Variants in FAM13A observed in about 807,000 individuals in gnomAD.
FAM13A encodes protein FAM13A.
A neutral mutation model predicts 129.6 loss-of-function variants in FAM13A; 76 were observed. That is an observed-to-expected ratio of 0.59 (90% CI 0.49 to 0.71). The LOEUF (loss-of-function observed/expected upper bound fraction) is 0.71, where lower values mean the gene tolerates loss of function less well. Ranked by LOEUF, FAM13A falls within the 30% of genes least tolerant of loss-of-function variation. FAM13A has a pLI of 0.00. For synonymous variants in FAM13A, 443 were observed against 449.9 expected, an observed-to-expected ratio of 0.98 and a Z score of 0.20; for missense variants, 1,108 against 1,249.3, an observed-to-expected ratio of 0.89 and a Z score of 1.70.
intron 6 of FAM13A, among the ~76,000 whole-genome samples, chr4:88,869,066 T>C (rs535107962): frequency 1.2e-4 from 19 of 152,296 alleles, no homozygotes; most frequent in African/African-American, 3.6e-4. Flanking sequence ...TTAGACTATA[T>C]GGTCTCCAAT....
intron 4 of FAM13A, among the ~76,000 whole-genome samples, chr4:88,958,232 C>T (rs1758063695): frequency 6.6e-6 from 1 of 152,200 alleles, no homozygotes; most frequent in South Asian, 2.1e-4. Context: ...CCCCTCCCAT[C>T]ACAGGCCCAG....
At chr4:88,984,929 C>T (rs1459739038) in intron 4 of FAM13A, among the ~76,000 whole-genome samples, 1 of 152,152 alleles carries the variant, frequency 6.6e-6, no homozygotes, top group Non-Finnish European at 1.5e-5. Context: ...AACAATTCTA[C>T]TCCTAGTTAT....
chr4:88,735,501 C>T (rs540579562), intron 21 of FAM13A, among the ~76,000 whole-genome samples: 2 of 152,056 alleles, frequency 1.3e-5, no homozygotes, highest in African/African-American at 4.8e-5. Flanking sequence ...CTTATGTTGG[C>T]TAGGAGAACT....
intron 3 of FAM13A, among the ~76,000 whole-genome samples, chr4:88,996,512 G>C (rs975942497): frequency 6.6e-6 from 1 of 152,182 alleles, no homozygotes; most frequent in Admixed American, 6.5e-5. Flanking sequence ...CATTTATTGA[G>C]TGACTACTCT....
At chr4:88,915,470 A>C (rs2148688571) in intron 5 of FAM13A, among the ~76,000 whole-genome samples, 1 of 152,336 alleles carries the variant, frequency 6.6e-6, no homozygotes, top group African/African-American at 2.4e-5. Context: ...AACTAATTAT[A>C]ATTACTTTAT....
intron 21 of FAM13A, among the ~76,000 whole-genome samples, chr4:88,732,778 T>C (rs888795768): frequency 1.3e-5 from 2 of 151,948 alleles, no homozygotes; most frequent in African/African-American, 2.4e-5. Flanking sequence ...ATTCTCATGA[T>C]TGAAATAAGA....
chr4:88,887,334 C>T (rs185313299), intron 6 of FAM13A, among the ~76,000 whole-genome samples: 5 of 152,130 alleles, frequency 3.3e-5, no homozygotes, highest in African/African-American at 9.6e-5. Flanking sequence ...CAATTGAAGA[C>T]AAACTGCAAA....
At chr4:88,968,174 G>A (rs903676197) in intron 4 of FAM13A, among the ~76,000 whole-genome samples, 3 of 152,168 alleles carry the variant, frequency 2.0e-5, no homozygotes, top group Non-Finnish European at 4.4e-5. Flanking sequence ...CAAAGCACCC[G>A]CCTCAGGGAC....
At chr4:88,989,339 T>A (rs1333339702) in intron 4 of FAM13A, among the ~76,000 whole-genome samples, 3 of 151,036 alleles carry the variant, frequency 2.0e-5, no homozygotes, top group Non-Finnish European at 3.0e-5. Flanking sequence ...CAGTGGCTCA[T>A]GCCCGTAATC....
At chr4:88,975,265 C>T (rs190586219) in intron 4 of FAM13A, among the ~76,000 whole-genome samples, 8 of 152,040 alleles carry the variant, frequency 5.3e-5, no homozygotes, top group East Asian at 3.9e-4. Context: ...GTAACCTTGT[C>T]GGAGAAAATA....
At chr4:88,871,527 A>C in intron 6 of FAM13A, among the ~76,000 whole-genome samples, 1 of 152,254 alleles carries the variant, frequency 6.6e-6, no homozygotes, top group Non-Finnish European at 1.5e-5. Flanking sequence ...GATTCGATCA[A>C]CTGGAAGAAA....
intron 4 of FAM13A, chr4:88,989,641 G>A (rs1390803460): frequency 6.6e-6 from 1 of 152,074 alleles, no homozygotes; most frequent in Non-Finnish European, 1.5e-5. Flanking sequence ...TTTATTTTAT[G>A]TATATTTTAC....
At position 88,907,369 on chromosome 4, in the gene FAM13A, TAA is replaced by T. The variant is rs1283772459; in HGVS notation, c.760-909_760-908del. 2.0e-5 allele frequency among the ~76,000 whole-genome samples: 3 copies of T among 152,216 alleles called. No individual in the cohort carries two copies. The East Asian group carries it at 5.8e-4, about 29-fold the overall frequency. ...TCAATCATCTAAATCATACATTTTT[TAA>T]AAGTTTAGTTTATGGCTAATTCGTT... On this transcript the variant is annotated intron_variant, in intron 5 of 23. Transcript: ENST00000264344.
At chr4:88,770,892 G>C (rs76884708) in intron 11 of FAM13A, among the ~76,000 whole-genome samples, 12,404 of 152,156 alleles carry the variant, frequency 0.082, 597 homozygotes, top group African/African-American at 0.12. Flanking sequence ...ATATGTTTAA[G>C]AACTCTCCAA....
intron 6 of FAM13A, among the ~76,000 whole-genome samples, chr4:88,884,530 CACAGCCA>C (rs1744103407): frequency 6.6e-6 from 1 of 152,122 alleles, no homozygotes; most frequent in Non-Finnish European, 1.5e-5. Flanking sequence ...AGGACAAACC[CACAGCCA>C]ACATTATACT....
At chr4:88,846,120 T>C (rs766441682) in intron 7 of FAM13A, among the ~76,000 whole-genome samples, 2 of 152,214 alleles carry the variant, frequency 1.3e-5, no homozygotes, top group Non-Finnish European at 2.9e-5. Context: ...TTTCATTAAT[T>C]GTCAGCTTAT....
rs1050747965 is a variant in FAM13A at position 88,868,701 on chromosome 4, C to T, written c.844-17518G>A. On this transcript the variant is annotated intron_variant, in intron 6 of 23. Coordinates refer to ENST00000264344, the MANE Select transcript of FAM13A (RefSeq NM_014883.4). ...ACCAAGATTTATACATGTCTATAAA[C>T]ATGCACTTTCTCTCACATGCCTCCC... is the stretch of plus-strand genomic sequence containing the variant. Among the ~76,000 whole-genome samples the T allele has an allele frequency of 3.3e-5, 5 of 152,184 alleles. 1 individual carries two copies. The highest frequency in any genetic ancestry group is 1.3e-4 in the Admixed American group (2 of 15,276).
intron 7 of FAM13A, among the ~76,000 whole-genome samples, chr4:88,841,008 T>C (rs773175070): frequency 1.1e-3 from 80 of 73,384 alleles, no homozygotes; most frequent in Non-Finnish European, 1.6e-3. Flanking sequence ...AAGACCAAAA[T>C]GGATCAAAGA....
chr4:88,886,004 T>TAAA lies in FAM13A; in HGVS notation c.843+20372_843+20374dup, dbSNP rs56673552. On this transcript the variant is annotated intron_variant, in intron 6 of 23. Transcript: ENST00000264344. ...TGCAAGAATGGCCATAAGCAAAAAA[T>TAAA]AAAAAAAAAAAATAGACGTTGGCAT... 2.0e-5 allele frequency among the ~76,000 whole-genome samples: 3 copies of TAAA among 147,236 alleles called. No homozygotes were observed. In the South Asian group the frequency reaches 6.4e-4, roughly 32 times the overall value.
Sources: allele counts gnomAD v4.1 joint callset (sites outside exome capture counted in the v4.1 genomes callset), GRCh38; gene constraint gnomAD v4.1.1; transcripts MANE v1.5; gene names NCBI Gene and HGNC (gene_info 2026-07-23, HGNC 2026-07-21).